The following SMG7 variants were observed in gnomAD, a reference collection of about 807,000 sequenced individuals.
SMG7 encodes the protein SMG7 nonsense mediated mRNA decay factor, also known as nonsense-mediated mRNA decay factor SMG7.
Under a neutral mutation model 148.2 loss-of-function variants are expected in SMG7, and 34 were observed. The ratio of observed to expected loss-of-function variants is 0.23; its 90% CI spans 0.17 to 0.31. SMG7 has a LOEUF of 0.31. SMG7 is among the 10% of genes least tolerant of loss of function. The probability of loss-of-function intolerance (pLI) is 1.00; values close to 1 mark genes in which losing one functional copy is unlikely to be tolerated. For missense variants in SMG7, 1,114 were observed against 1,408.4 expected, an observed-to-expected ratio of 0.79 and a Z score of 3.35; for synonymous variants, 492 against 515.1, an observed-to-expected ratio of 0.96 and a Z score of 0.61.
At chr1:183,487,173 G>A (rs922711207) in intron 1 of SMG7, among the ~76,000 whole-genome samples, 1 of 152,102 alleles carries the variant, frequency 6.6e-6, no homozygotes, top group Non-Finnish European at 1.5e-5. Flanking sequence ...CCAGGCTAAA[G>A]TCAAGGTGCC....
chr1:183,533,990 T>C (rs1218079845), intron 10 of SMG7, among the ~76,000 whole-genome samples, 158 bp downstream of exon 10: 1 of 152,220 alleles, frequency 6.6e-6, no homozygotes, highest in Non-Finnish European at 1.5e-5. Context: ...TTTGTACGCT[T>C]TTCATTTGTT....
intron 9 of SMG7, 71 bp from the exon 10 acceptor site, chr1:183,533,605 A>C: frequency 7.7e-7 from 1 of 1,293,812 alleles, no homozygotes; most frequent in Non-Finnish European, 1.1e-6. Flanking sequence ...AGTAGAAGGC[A>C]CATAATATTT....
intron 1 of SMG7, among the ~76,000 whole-genome samples, chr1:183,505,260 A>G (rs542884809): frequency 6.6e-6 from 1 of 152,308 alleles, no homozygotes; most frequent in Admixed American, 6.5e-5. Flanking sequence ...TTTCTCTGGC[A>G]AGGCTATCAT....
intron 1 of SMG7, among the ~76,000 whole-genome samples, chr1:183,478,268 C>T (rs1225582668): frequency 6.6e-6 from 1 of 152,144 alleles, no homozygotes; most frequent in Non-Finnish European, 1.5e-5. Flanking sequence ...TCACCTGCCC[C>T]ATCCCCTTCC....
intron 6 of SMG7, 54 bp from the exon 7 acceptor site, chr1:183,528,838 A>G: frequency 1.4e-6 from 2 of 1,440,012 alleles, no homozygotes; most frequent in Non-Finnish European, 9.6e-7. Context: ...GTATTCTTAT[A>G]GCAAGACTTT....
In SMG7 at chr1:183,482,945, TA is replaced by T. The variant is rs569333870; in HGVS notation, c.29+10297del. On this transcript the variant is annotated intron_variant, in intron 1 of 22. Coordinates refer to ENST00000688051, the MANE Select transcript of SMG7 (RefSeq NM_001375584.1). ...GTGGGAAGGAGAAGTTCTACAGCAT[TA>T]GGGGGAAATATCAGAAATCTTTAGT... is the stretch of plus-strand genomic sequence containing the variant. Among the ~76,000 whole-genome samples, 10 of 152,224 alleles carry T rather than the reference TA, an allele frequency of 6.6e-5. No homozygotes were observed. The South Asian group carries it at 1.7e-3, about 25-fold the overall frequency.
Position 183,542,350 on chromosome 1 carries a change from T to G in SMG7, c.1690T>G (p.Phe564Val). The part of the protein sequence containing the change: ...REVNRDQGRS[F>V]PPKEVRRDYS... Reference sequence around the variant, plus strand: ...AGTGAACAGAGACCAAGGAAGAAGTTTTCCTCCCAAAGAGGTGAGAAGGGA... The same window carrying G: ...AGTGAACAGAGACCAAGGAAGAAGTGTTCCTCCCAAAGAGGTGAGAAGGGA... The change falls in exon 14 of 23, where the codon TTT becomes GTT. Residue 564 changes from phenylalanine to valine, a missense_variant. Phe to Val is a conservative substitution (Grantham distance 50). Coordinates refer to ENST00000688051, the MANE Select transcript of SMG7 (RefSeq NM_001375584.1). 1 of 1,614,000 alleles carries G rather than the reference T, an allele frequency of 6.2e-7. No individual in the cohort carries two copies. The highest frequency in any genetic ancestry group is 8.5e-7 in the Non-Finnish European group (1 of 1,179,996).
chr1:183,510,976 G>C (rs1452073739), intron 1 of SMG7, among the ~76,000 whole-genome samples: 2 of 151,236 alleles, frequency 1.3e-5, no homozygotes, highest in Non-Finnish European at 2.9e-5. Context: ...GGGCAACAGA[G>C]CGAGACTCCG....
At chr1:183,475,495 G>A (rs1651930816) in intron 1 of SMG7, among the ~76,000 whole-genome samples, 1 of 152,234 alleles carries the variant, frequency 6.6e-6, no homozygotes, top group Admixed American at 6.5e-5. Flanking sequence ...TATGTTCACA[G>A]CTATGTGTTA....
At chr1:183,499,716 T>C (rs1294986109) in intron 1 of SMG7, among the ~76,000 whole-genome samples, 3 of 152,230 alleles carry the variant, frequency 2.0e-5, no homozygotes, top group Non-Finnish European at 1.5e-5. Context: ...TATTAACTCC[T>C]TGTACTTTGT....
At chr1:183,550,717 A>G (rs755647141) in intron 20 of SMG7, 34 bp from the exon 21 acceptor site, 4 of 1,603,794 alleles carry the variant, frequency 2.5e-6, no homozygotes, top group East Asian at 4.5e-5. Context: ...TGAAACAATG[A>G]TTTACTATAT....
At chr1:183,515,219 C>T (rs1304785498) in intron 2 of SMG7, among the ~76,000 whole-genome samples, 1 of 152,150 alleles carries the variant, frequency 6.6e-6, no homozygotes, top group Admixed American at 6.5e-5. Flanking sequence ...TCCTAGTCTT[C>T]TAAGTCTTTG....
At chr1:183,499,890 G>A (rs1003121753) in intron 1 of SMG7, among the ~76,000 whole-genome samples, 5 of 152,054 alleles carry the variant, frequency 3.3e-5, no homozygotes, top group African/African-American at 1.2e-4. Flanking sequence ...TTATCTGTAT[G>A]TGCAAGCATC....
chr1:183,520,711 A>G (rs1664576763), intron 4 of SMG7, among the ~76,000 whole-genome samples: 1 of 152,188 alleles, frequency 6.6e-6, no homozygotes, highest in African/African-American at 2.4e-5. Flanking sequence ...TTTTCGTTAC[A>G]TGACATACAT....
At chr1:183,520,915 T>G (rs955937017) in intron 4 of SMG7, among the ~76,000 whole-genome samples, 1 of 152,150 alleles carries the variant, frequency 6.6e-6, no homozygotes, top group Non-Finnish European at 1.5e-5. Flanking sequence ...CTCTCTGAAA[T>G]TTTTTTAAAA....
intron 1 of SMG7, among the ~76,000 whole-genome samples, chr1:183,490,937 C>T (rs139628757): frequency 2.9e-4 from 44 of 152,302 alleles, no homozygotes; most frequent in Non-Finnish European, 4.6e-4. Context: ...AGGCATGCGC[C>T]ACCATGCCTG....
At chr1:183,489,740 A>G (rs1353302237) in intron 1 of SMG7, among the ~76,000 whole-genome samples, 1 of 152,192 alleles carries the variant, frequency 6.6e-6, no homozygotes, top group Non-Finnish European at 1.5e-5. Flanking sequence ...TTAGGGAACA[A>G]GTACCAGATA....
chr1:183,495,877 A>G (rs1443625091), intron 1 of SMG7, among the ~76,000 whole-genome samples: 6 of 152,236 alleles, frequency 3.9e-5, no homozygotes, highest in Middle Eastern at 3.4e-3. Flanking sequence ...AATGGAAAAA[A>G]AAAAAAGGCA....
At chr1:183,539,791 G>A (rs1029171717) in intron 12 of SMG7, among the ~76,000 whole-genome samples, 2 of 152,124 alleles carry the variant, frequency 1.3e-5, no homozygotes, top group African/African-American at 4.8e-5. Flanking sequence ...TTAGGTTCAA[G>A]TCCTTCCGTT....
Sources: allele counts gnomAD v4.1 joint callset (sites outside exome capture counted in the v4.1 genomes callset), GRCh38; gene constraint gnomAD v4.1.1; transcripts MANE v1.5; gene names NCBI Gene and HGNC (gene_info 2026-07-23, HGNC 2026-07-21).